Variants in PDGFRL observed in about 807,000 individuals in gnomAD.
PDGFRL encodes platelet-derived growth factor receptor-like protein.
A neutral mutation model predicts 37.2 loss-of-function variants in PDGFRL; 46 were observed. The ratio of observed to expected loss-of-function variants is 1.24; its 90% CI spans 0.98 to 1.58. The LOEUF (loss-of-function observed/expected upper bound fraction) is 1.58. Ranked by LOEUF, PDGFRL falls within the 40% of genes most tolerant of loss-of-function variation. PDGFRL has a pLI of 0.00. For missense variants in PDGFRL, 692 were observed against 467.6 expected (o/e 1.48, Z -4.43); for synonymous variants, 251 against 184.3 (o/e 1.36, Z -2.93).
intron 1 of PDGFRL, among the ~76,000 whole-genome samples, chr8:17,581,661 G>T (rs1563502082): frequency 6.6e-6 from 1 of 151,998 alleles, no homozygotes; most frequent in Admixed American, 6.6e-5. Flanking sequence ...AAGAGAGTCT[G>T]GTCCCTCCTC....
chr8:17,623,428 G>A (rs1197082443), intron 3 of PDGFRL, among the ~76,000 whole-genome samples: 1 of 152,206 alleles, frequency 6.6e-6, no homozygotes, highest in Non-Finnish European at 1.5e-5. Context: ...CAACTAAGAT[G>A]AATAAAAGTC....
At chr8:17,637,889 G>C (rs1805004069) in intron 5 of PDGFRL, among the ~76,000 whole-genome samples, 2 of 151,380 alleles carry the variant, frequency 1.3e-5, no homozygotes, top group South Asian at 4.2e-4. Flanking sequence ...ATTATCTTTT[G>C]TATTTCTGTG....
rs949575410 is a variant in PDGFRL, at chr8:17,628,240, C to T, written c.506-247C>T. Among the ~76,000 whole-genome samples, 24 of 151,930 alleles carry T rather than the reference C, an allele frequency of 1.6e-4. 1 individual carries two copies. The highest frequency in any genetic ancestry group is 4.6e-4 in the Admixed American group (7 of 15,268). The stretch of plus-strand genomic sequence containing the variant: ...CGATCTCCTGACCTCGTGATCTGCC[C>T]GCCTCAGCCTCCCAAAGTGCTGGGA... On this transcript the variant is annotated intron_variant, in intron 3 of 5. Coordinates refer to ENST00000251630, the MANE Select transcript of PDGFRL (RefSeq NM_001372073.1).
chr8:17,621,105 A>G lies in PDGFRL; in HGVS notation c.408A>G (p.Ala136=), dbSNP rs34445293. ...TGACTCTGGTCAACTCCACCTCGGC[A>G]GACACAGGTGAATTCAGCTGCTGGG... is the stretch of plus-strand genomic sequence containing the variant. ...GQLTLVNSTS[A]DTGEFSCWVQ... is the part of the protein sequence containing the mutation. Residue 136 remains alanine, a synonymous_variant, in exon 3 of 6, where the codon GCA becomes GCG. Coordinates refer to ENST00000251630, the MANE Select transcript of PDGFRL (RefSeq NM_001372073.1). 7.6e-3 allele frequency: 12,237 copies of G among 1,612,074 alleles called. 58 individuals are homozygous for G. The highest frequency in any genetic ancestry group is 0.022 in the Middle Eastern group (130 of 6,030).
chr8:17,596,329 C>G (rs574470948), intron 2 of PDGFRL: 2 of 1,236,170 alleles, frequency 1.6e-6, no homozygotes, highest in Non-Finnish European at 2.0e-6. Flanking sequence ...ATGGGCTGCA[C>G]GTAACTCCGT....
chr8:17,595,994 C>T (rs928031337), intron 2 of PDGFRL, among the ~76,000 whole-genome samples: 3 of 152,208 alleles, frequency 2.0e-5, no homozygotes, highest in African/African-American at 4.8e-5. Context: ...CTCAACCTTA[C>T]TGGCAGATGG....
intron 2 of PDGFRL, among the ~76,000 whole-genome samples, chr8:17,612,920 C>G (rs1467103607): frequency 1.3e-5 from 2 of 151,990 alleles, no homozygotes; most frequent in Non-Finnish European, 2.9e-5. Context: ...AATATTCTAT[C>G]TCTTTTATGA....
intron 3 of PDGFRL, among the ~76,000 whole-genome samples, chr8:17,622,671 A>G (rs987017773): frequency 1.3e-5 from 2 of 152,158 alleles, no homozygotes; most frequent in Non-Finnish European, 2.9e-5. Context: ...CAGACACTTA[A>G]AAGAGTGCGT....
intron 4 of PDGFRL, among the ~76,000 whole-genome samples, chr8:17,630,452 C>T (rs905551365): frequency 6.6e-6 from 1 of 152,140 alleles, no homozygotes; most frequent in African/African-American, 2.4e-5. Context: ...TCGAGTTTCC[C>T]TTTGATATCC....
In PDGFRL at chr8:17,589,623, G is replaced by C; in HGVS notation, c.211G>C (p.Val71Leu). ...AAAGACGCAGTCTATCATGATGCAAGTGCTGGATAAAGGTCGCTTCCAGAA... is the reference window on the plus strand; with the variant it reads ...AAAGACGCAGTCTATCATGATGCAACTGCTGGATAAAGGTCGCTTCCAGAA... ...APKTQSIMMQ[V>L]LDKGRFQKPA... is the part of the protein sequence containing the mutation. Residue 71 changes from valine (V) to leucine (L), a missense_variant, in exon 2 of 6, where the codon GTG becomes CTG. By Grantham distance (32) the Val-to-Leu change is conservative. Coordinates refer to ENST00000251630, the MANE Select transcript of PDGFRL (RefSeq NM_001372073.1). 1 of 1,614,052 alleles carries C rather than the reference G, an allele frequency of 6.2e-7. No individual in the cohort carries two copies. The highest frequency in any genetic ancestry group is 8.5e-7 in the Non-Finnish European group (1 of 1,179,976).
Position 17,613,532 on chromosome 8 carries a change from T to C in PDGFRL, c.354-7519T>C, listed in dbSNP as rs530559571. On this transcript the variant is annotated intron_variant, in intron 2 of 5. Coordinates refer to ENST00000251630, the MANE Select transcript of PDGFRL (RefSeq NM_001372073.1). ...GGCAGGGCTGGAGGGATGTAGCGTG[T>C]GCAGTCTCCCGTGAAGTAGTGGGGA... Among the ~76,000 whole-genome samples, 3 of 152,272 alleles carry C rather than the reference T, an allele frequency of 2.0e-5. No individual in the cohort carries two copies. The South Asian group carries it at 6.2e-4, about 32-fold the overall frequency.
chr8:17,626,170 A>T (rs948382654), intron 3 of PDGFRL, among the ~76,000 whole-genome samples: 1 of 152,248 alleles, frequency 6.6e-6, no homozygotes, highest in African/African-American at 2.4e-5. Context: ...AACATCTTCA[A>T]TATTATCCAC....
chr8:17,591,435 G>A (rs1240880569), intron 2 of PDGFRL, among the ~76,000 whole-genome samples: 1 of 152,194 alleles, frequency 6.6e-6, no homozygotes, highest in Non-Finnish European at 1.5e-5. Flanking sequence ...ACAGTCCTGT[G>A]CACCTTGGTG....
intron 2 of PDGFRL, among the ~76,000 whole-genome samples, chr8:17,616,634 G>A (rs565698485): frequency 2.0e-5 from 3 of 152,000 alleles, no homozygotes; most frequent in Non-Finnish European, 2.9e-5. Context: ...CTCGATTTGC[G>A]CATGTTGACA....
rs960817275 is a variant in PDGFRL at position 17,610,739 on chromosome 8, C to T, written c.354-10312C>T. 1.1e-4 allele frequency among the ~76,000 whole-genome samples: 16 copies of T among 152,212 alleles called. No homozygotes were observed. The East Asian group carries it at 1.4e-3, about 13-fold the overall frequency. On this transcript the variant is annotated intron_variant, in intron 2 of 5. Coordinates refer to ENST00000251630, the MANE Select transcript of PDGFRL (RefSeq NM_001372073.1). ...CAGCCTGGCCAGTATGGTGAAACCC[C>T]GTCACTACTAAACACACAAAAATTA...
At chr8:17,599,430 A>T (rs544225686) in intron 2 of PDGFRL, among the ~76,000 whole-genome samples, 1 of 152,324 alleles carries the variant, frequency 6.6e-6, no homozygotes, top group East Asian at 1.9e-4. Flanking sequence ...TTAGAATAAT[A>T]GTCTCCAATT....
At chr8:17,597,578 T>G (rs1255833346) in intron 2 of PDGFRL, among the ~76,000 whole-genome samples, 1 of 152,080 alleles carries the variant, frequency 6.6e-6, no homozygotes, top group African/African-American at 2.4e-5. Flanking sequence ...GCTGGGAATG[T>G]CACAGTTGCT....
chr8:17,586,781 C>G (rs373312458), intron 1 of PDGFRL, among the ~76,000 whole-genome samples: 183 of 152,318 alleles, frequency 1.2e-3, no homozygotes, highest in African/African-American at 4.1e-3. Flanking sequence ...CCATATCATT[C>G]TCAATTTATA....
At chr8:17,614,457 C>T (rs1804483557) in intron 2 of PDGFRL, among the ~76,000 whole-genome samples, 1 of 152,166 alleles carries the variant, frequency 6.6e-6, no homozygotes, top group African/African-American at 2.4e-5. Flanking sequence ...ACACTTGAAA[C>T]ACAGACAAGC....
Sources: gnomAD v4.1 joint callset for allele counts (sites outside exome capture counted in the v4.1 genomes callset) on GRCh38, gnomAD v4.1.1 for gene constraint, MANE v1.5 for transcripts, NCBI Gene and HGNC (gene_info 2026-07-23, HGNC 2026-07-21) for gene names.